Variants in RND3 observed in about 807,000 individuals in gnomAD.
RND3 encodes the protein Rho family GTPase 3.
A neutral mutation model predicts 26.5 loss-of-function variants in RND3; 8 were observed. The observed-to-expected ratio is 0.30, with a 90% CI of 0.18 to 0.54. The LOEUF (loss-of-function observed/expected upper bound fraction) is 0.54. Among genes scored for constraint, RND3 ranks in the 20% least tolerant of loss-of-function variants. The pLI is 0.94. For synonymous variants in RND3, 113 were observed against 113.0 expected (o/e 1.00, Z 0.00); for missense variants, 207 against 302.8 (o/e 0.68, Z 2.35).
chr2:150,485,274 C>T (rs980661883), intron 3 of RND3: 1 of 152,458 alleles, frequency 6.6e-6, no homozygotes, highest in African/African-American at 2.4e-5. Context: ...TCGTGCGAGA[C>T]TTCTCGCTTG....
At chr2:150,479,598 G>C (rs752083412) in intron 3 of RND3, among the ~76,000 whole-genome samples, 10 of 152,130 alleles carry the variant, frequency 6.6e-5, no homozygotes, top group Non-Finnish European at 1.3e-4. Context: ...GGTATATTTA[G>C]TGACCACCAT....
chr2:150,487,474 A>AAAAAAATAT lies in RND3; in HGVS notation c.-38-20_-38-19insATATTTTTT. 67 of 200,796 alleles carry AAAAAAATAT rather than the reference A, an allele frequency of 3.3e-4. No individual in the cohort carries two copies. Among genetic ancestry groups the AAAAAAATAT allele is most frequent in the African/African-American group, 1.7e-3 (61 of 36,650 alleles). The allele number at this position is 200,796 out of a possible 1,614,324, so 12.4% of individuals were successfully genotyped here. ...ATTTTCTCTTAAGAAGAAAAAAAAA[A>AAAAAAATAT]ATATATATATATATATATATTTCTC... On this transcript the variant is annotated intron_variant, in intron 1 of 5. Coordinates refer to ENST00000263895, the MANE Select transcript of RND3 (RefSeq NM_005168.5).
rs144401566 is a variant in RND3 at position 150,487,149 on chromosome 2, CTTTTTT to C, written c.150+113_150+118del. 2.4e-5 allele frequency: 13 copies of C among 550,830 alleles called. No homozygotes were observed. In the African/African-American group the frequency reaches 2.5e-4, roughly 11 times the overall value. The allele number at this position is 550,830 out of a possible 1,614,324, so 34.1% of individuals were successfully genotyped here. A position where few individuals can be genotyped will look rare whatever the true frequency, so the allele number is the denominator to read the frequency against. On this transcript the variant is annotated intron_variant, in intron 2 of 5. Coordinates refer to ENST00000263895, the MANE Select transcript of RND3 (RefSeq NM_005168.5). ...GGAAAGTAGTAAGGACCGAGAAAGA[CTTTTTT>C]TTTTCTTTTTTTTTTTTTTTAAGGG...
rs142846204 is a variant in RND3, at chr2:150,470,053, T to C, written c.669A>G (p.Arg223=). The C allele has an allele frequency of 1.9e-4, 300 of 1,614,086 alleles. No individual in the cohort carries two copies. Among genetic ancestry groups the C allele is most frequent in the Non-Finnish European group, 2.5e-4 (290 of 1,179,948 alleles). Residue 223 remains arginine (R), a synonymous_variant, in exon 6 of 6, where the codon AGA becomes AGG. Transcript: ENST00000263895. ...ATKRISHMPS[R]PELSAVATDL... ...CCGTAGCAACTGCCGAGAGTTCTGGTCTGCTAGGCATGTGTGAAATCCGCT... is the reference window on the plus strand; with the variant it reads ...CCGTAGCAACTGCCGAGAGTTCTGGCCTGCTAGGCATGTGTGAAATCCGCT...
At chr2:150,482,331 T>C (rs563377584) in intron 3 of RND3, among the ~76,000 whole-genome samples, 10 of 152,336 alleles carry the variant, frequency 6.6e-5, no homozygotes, top group African/African-American at 2.2e-4. Flanking sequence ...ATTTCTATTA[T>C]TAGTAGGCAT....
chr2:150,478,873 A>G (rs1382182382), intron 3 of RND3, among the ~76,000 whole-genome samples: 2 of 152,292 alleles, frequency 1.3e-5, no homozygotes, highest in South Asian at 2.1e-4. Flanking sequence ...GCATATGGAA[A>G]TTCTCAGATG....
chr2:150,476,437 A>G (rs1463390125), intron 3 of RND3, among the ~76,000 whole-genome samples: 2 of 152,244 alleles, frequency 1.3e-5, no homozygotes, highest in Non-Finnish European at 2.9e-5. Flanking sequence ...CCCAGGCAAC[A>G]GTGCAGCTTT....
chr2:150,478,735 T>C (rs1686216278), intron 3 of RND3, among the ~76,000 whole-genome samples: 2 of 152,076 alleles, frequency 1.3e-5, no homozygotes, highest in African/African-American at 2.4e-5. Flanking sequence ...CTGCAGTACA[T>C]GGTAGGTATT....
chr2:150,470,199 T>C lies in RND3; in HGVS notation c.523A>G (p.Ile175Val), dbSNP rs1558868730. 3 of 1,613,984 alleles carry C rather than the reference T, an allele frequency of 1.9e-6. No homozygotes were observed. The highest frequency in any genetic ancestry group is 2.5e-6 in the Non-Finnish European group (3 of 1,179,938). Reference sequence around the variant, plus strand: ...TCCGACTGTAAAGCTGAGCATTCGATATAAGTAGCTGCTCCAATCTGTTTG... The same window carrying C: ...TCCGACTGTAAAGCTGAGCATTCGACATAAGTAGCTGCTCCAATCTGTTTG... ...MAKQIGAATY[I>V]ECSALQSENS... Residue 175 changes from isoleucine to valine, a missense_variant, in exon 6 of 6, where the codon ATC becomes GTC. By Grantham distance (29) the Ile-to-Val change is conservative. Coordinates refer to ENST00000263895, the MANE Select transcript of RND3 (RefSeq NM_005168.5).
chr2:150,473,821 A>G (rs1420804222), intron 4 of RND3, among the ~76,000 whole-genome samples: 1 of 152,216 alleles, frequency 6.6e-6, no homozygotes, highest in Non-Finnish European at 1.5e-5. Flanking sequence ...AATTCCACTA[A>G]AAATTAAAAT....
chr2:150,476,013 C>T (rs1169423476), intron 3 of RND3, among the ~76,000 whole-genome samples: 1 of 152,186 alleles, frequency 6.6e-6, no homozygotes, highest in African/African-American at 2.4e-5. Context: ...TAAATACAGC[C>T]TGCCAAATGC....
intron 5 of RND3, among the ~76,000 whole-genome samples, 173 bp downstream of exon 5, chr2:150,471,454 G>A (rs1385411263): frequency 6.6e-6 from 1 of 152,190 alleles, no homozygotes; most frequent in Non-Finnish European, 1.5e-5. Context: ...AACTGTTTAT[G>A]TACCCGAATA....
Position 150,487,361 on chromosome 2 carries a change from A to T in RND3, c.57T>A (p.Asn19Lys). The T allele has an allele frequency of 6.3e-7, 1 of 1,597,272 alleles. No individual in the cohort carries two copies. Among genetic ancestry groups the T allele is most frequent in the Middle Eastern group, 1.7e-4 (1 of 5,990 alleles). Residue 19 changes from asparagine to lysine, a missense_variant, in exon 2 of 6, where the codon AAT (asparagine) becomes AAA (lysine). By Grantham distance (94) the Asn-to-Lys change is moderately conservative. Coordinates refer to ENST00000263895, the MANE Select transcript of RND3 (RefSeq NM_005168.5). ...KLSSKSIMDP[N>K]QNVKCKIVVV... The stretch of plus-strand genomic sequence containing the variant: ...CAACTATCTTGCATTTCACGTTCTG[A>T]TTAGGATCCATGATAGATTTGCTGG...
chr2:150,487,017 T>C (rs958940350), intron 2 of RND3: 2 of 608,938 alleles, frequency 3.3e-6, no homozygotes, highest in Non-Finnish European at 5.8e-6. Flanking sequence ...CCCCAGGTTA[T>C]GCACACAGGA....
chr2:150,474,810 A>C, intron 4 of RND3, 65 bp downstream of exon 4: 1 of 935,284 alleles, frequency 1.1e-6, no homozygotes, highest in Non-Finnish European at 1.7e-6. Flanking sequence ...GCTTCCCAAC[A>C]AACCCCACGT....
chr2:150,470,328 T>C (rs909045755), intron 5 of RND3, 90 bp from the exon 6 acceptor site: 8 of 1,355,444 alleles, frequency 5.9e-6, no homozygotes, highest in African/African-American at 4.4e-5. Context: ...TAATAACACA[T>C]TGCAAAACGT....
Position 150,474,962 on chromosome 2 carries a change from G to C in RND3, c.261C>G (p.Val87=). 2 of 1,612,172 alleles carry C rather than the reference G, an allele frequency of 1.2e-6. No individual in the cohort carries two copies. Among genetic ancestry groups the C allele is most frequent in the Non-Finnish European group, 1.7e-6 (2 of 1,178,458 alleles). ...DTSGSPYYDN[V]RPLSYPDSDA... ...CCGAATCAGGGTAAGAGAGGGGGCG[G>C]ACATTGTCATAGTAAGGAGAACCTG... The change falls in exon 4 of 6, where the codon GTC becomes GTG. Residue 87 remains valine, a synonymous_variant. Coordinates refer to ENST00000263895, the MANE Select transcript of RND3 (RefSeq NM_005168.5).
chr2:150,475,086 C>A (rs138407271), intron 3 of RND3, 102 bp from the exon 4 acceptor site: 4 of 646,826 alleles, frequency 6.2e-6, no homozygotes. Context: ...TGTCACATCA[C>A]GACCCAACTC....
chr2:150,470,085 C>T lies in RND3; in HGVS notation c.637G>A (p.Ala213Thr), dbSNP rs532782714. Reference protein sequence around the residue: ...KNVKRNKSQRATKRISHMPSR... With the variant: ...KNVKRNKSQRTTKRISHMPSR... Reference sequence around the variant, plus strand: ...GGCATGTGTGAAATCCGCTTTGTGGCTCTCTGTGATTTGTTCCGCTTAACG... The same window carrying T: ...GGCATGTGTGAAATCCGCTTTGTGGTTCTCTGTGATTTGTTCCGCTTAACG... Residue 213 changes from alanine to threonine, a missense_variant, in exon 6 of 6, where the codon GCC (alanine) becomes ACC (threonine). Transcript: ENST00000263895. 5 of 1,614,078 alleles carry T rather than the reference C, an allele frequency of 3.1e-6. No individual in the cohort carries two copies. The highest frequency in any genetic ancestry group is 4.2e-6 in the Non-Finnish European group (5 of 1,179,954).
Sources: gnomAD v4.1 joint callset for allele counts (sites outside exome capture counted in the v4.1 genomes callset) on GRCh38, gnomAD v4.1.1 for gene constraint, MANE v1.5 for transcripts, NCBI Gene and HGNC (gene_info 2026-07-23, HGNC 2026-07-21) for gene names.